The following CPQ variants were observed in gnomAD, a reference collection of about 807,000 sequenced individuals.
CPQ encodes carboxypeptidase Q, also known as Ser-Met dipeptidase.
CPQ carries 37 observed loss-of-function variants against 45.7 expected under a neutral mutation model. That is an observed-to-expected ratio of 0.81 (90% confidence interval 0.62 to 1.07). The LOEUF (loss-of-function observed/expected upper bound fraction) is 1.07. Ranked by LOEUF, CPQ falls within the 50% of genes least tolerant of loss-of-function variation. CPQ has a pLI of 0.00. For synonymous variants in CPQ, 186 were observed against 205.8 expected, an observed-to-expected ratio of 0.90 and a Z score of 0.82; for missense variants, 537 against 572.9, an observed-to-expected ratio of 0.94 and a Z score of 0.64.
chr8:96,732,617 T>G (rs567541790), intron 1 of CPQ, among the ~76,000 whole-genome samples: 1 of 152,066 alleles, frequency 6.6e-6, no homozygotes, highest in African/African-American at 2.4e-5. Flanking sequence ...AGAAAAAAAA[T>G]TCCTAAGAAG....
intron 5 of CPQ, among the ~76,000 whole-genome samples, chr8:96,966,571 A>T (rs1447778321): frequency 6.6e-6 from 1 of 152,126 alleles, no homozygotes; most frequent in African/African-American, 2.4e-5. Flanking sequence ...AGCATCCCTG[A>T]CCTCTTCCCA....
At chr8:96,761,783 A>C (rs766029514) in intron 1 of CPQ, among the ~76,000 whole-genome samples, 84 of 152,228 alleles carry the variant, frequency 5.5e-4, no homozygotes, top group Non-Finnish European at 1.0e-3. Context: ...GGACTTTTAA[A>C]GTTGACATAG....
At chr8:97,054,639 G>A (rs1367566137) in intron 6 of CPQ, among the ~76,000 whole-genome samples, 4 of 152,162 alleles carry the variant, frequency 2.6e-5, no homozygotes, top group Non-Finnish European at 5.9e-5. Flanking sequence ...TGGAACTGGA[G>A]GCCATTATTC....
chr8:96,821,109 C>T (rs926424749), intron 2 of CPQ, among the ~76,000 whole-genome samples: 1 of 141,292 alleles, frequency 7.1e-6, no homozygotes, highest in Non-Finnish European at 1.5e-5. Flanking sequence ...AAACCTTTTG[C>T]CCAATATTTA....
chr8:96,655,707 T>C (rs186718956), intron 1 of CPQ, among the ~76,000 whole-genome samples: 168 of 152,310 alleles, frequency 1.1e-3, no homozygotes, highest in African/African-American at 3.8e-3. Flanking sequence ...GTAAACCAAT[T>C]GTAATGTCAA....
intron 7 of CPQ, among the ~76,000 whole-genome samples, chr8:97,119,691 G>C (rs973439923): frequency 6.6e-6 from 1 of 152,166 alleles, no homozygotes; most frequent in Non-Finnish European, 1.5e-5. Flanking sequence ...AACAGCGATA[G>C]CATACAGACC....
intron 3 of CPQ, among the ~76,000 whole-genome samples, chr8:96,848,586 T>C (rs1391492554): frequency 6.6e-6 from 1 of 152,224 alleles, no homozygotes; most frequent in Non-Finnish European, 1.5e-5. Context: ...GTCTTTCCTG[T>C]AGTATGGTTG....
chr8:96,646,323 T>A (rs948666434), intron 1 of CPQ, among the ~76,000 whole-genome samples: 1 of 152,306 alleles, frequency 6.6e-6, no homozygotes, highest in African/African-American at 2.4e-5. Flanking sequence ...TTTTGTTCAC[T>A]TCTACTTTGG....
intron 1 of CPQ, among the ~76,000 whole-genome samples, chr8:96,717,922 C>T (rs892430811): frequency 6.6e-6 from 1 of 152,166 alleles, no homozygotes; most frequent in Non-Finnish European, 1.5e-5. Flanking sequence ...ACAGTAAGCC[C>T]TACTTAGCTC....
chr8:96,997,537 A>G (rs1051926016), intron 5 of CPQ, among the ~76,000 whole-genome samples: 1 of 152,006 alleles, frequency 6.6e-6, no homozygotes, highest in African/African-American at 2.4e-5. Context: ...TTCTGTTTTT[A>G]AATTCCAAAT....
intron 5 of CPQ, among the ~76,000 whole-genome samples, chr8:97,024,213 G>C (rs1460361731): frequency 5.3e-5 from 8 of 152,080 alleles, no homozygotes; most frequent in South Asian, 2.1e-4. Flanking sequence ...CGGGACCTTA[G>C]TCAGTGTCAT....
At chr8:96,925,163 A>C (rs1296192786) in intron 4 of CPQ, among the ~76,000 whole-genome samples, 1 of 152,234 alleles carries the variant, frequency 6.6e-6, no homozygotes, top group Non-Finnish European at 1.5e-5. Flanking sequence ...TATGAAAAGA[A>C]TGCAAGAATG....
chr8:96,969,010 A>T (rs1256121801), intron 5 of CPQ, among the ~76,000 whole-genome samples: 1 of 152,246 alleles, frequency 6.6e-6, no homozygotes, highest in Non-Finnish European at 1.5e-5. Flanking sequence ...GTCAGTGGAC[A>T]AAGCCTATGG....
intron 5 of CPQ, among the ~76,000 whole-genome samples, chr8:97,008,604 G>T (rs888248616): frequency 6.6e-6 from 1 of 152,132 alleles, no homozygotes; most frequent in African/African-American, 2.4e-5. Flanking sequence ...GGGAATCCAC[G>T]TGTACAATGG....
At chr8:97,057,321 G>C (rs959638358) in intron 6 of CPQ, among the ~76,000 whole-genome samples, 1 of 152,158 alleles carries the variant, frequency 6.6e-6, no homozygotes, top group Admixed American at 6.5e-5. Flanking sequence ...AATAGTGTTA[G>C]GAAAAGTGTT....
chr8:97,125,359 GAA>G (rs1174697821), intron 7 of CPQ, among the ~76,000 whole-genome samples: 5 of 152,104 alleles, frequency 3.3e-5, no homozygotes, highest in Non-Finnish European at 5.9e-5. Context: ...AGAAAACAGA[GAA>G]AGAGGTAAAT....
intron 2 of CPQ, among the ~76,000 whole-genome samples, chr8:96,817,913 C>A (rs1384919132): frequency 1.3e-5 from 2 of 152,086 alleles, no homozygotes; most frequent in Admixed American, 6.6e-5. Context: ...CCACACCTAG[C>A]CAGCACTCAT....
intron 1 of CPQ, among the ~76,000 whole-genome samples, chr8:96,688,173 C>T (rs1482735451): frequency 6.6e-6 from 1 of 151,894 alleles, no homozygotes; most frequent in African/African-American, 2.4e-5. Flanking sequence ...TGTATTGTGC[C>T]CTTTAGCATT....
chr8:96,779,880 CT>C (rs996924914), intron 1 of CPQ, among the ~76,000 whole-genome samples: 2 of 152,050 alleles, frequency 1.3e-5, no homozygotes, highest in African/African-American at 4.8e-5. Flanking sequence ...GCTTTAGTGG[CT>C]TTAGAAACCA....
Sources: allele counts gnomAD v4.1 joint callset (sites outside exome capture counted in the v4.1 genomes callset), GRCh38; gene constraint gnomAD v4.1.1; transcripts MANE v1.5; gene names NCBI Gene and HGNC (gene_info 2026-07-23, HGNC 2026-07-21).